The following ZNF727 variants were observed in gnomAD, a reference collection of about 807,000 sequenced individuals.
ZNF727 encodes the protein zinc finger protein 727.
In ZNF727, 11 loss-of-function variants were observed where a neutral mutation model predicts 11.5. The observed-to-expected ratio is 0.95, with a 90% CI of 0.60 to 1.58. The LOEUF (loss-of-function observed/expected upper bound fraction) is 1.58, where lower values mean the gene tolerates loss of function less well. Among genes scored for constraint, ZNF727 ranks in the 40% most tolerant of loss-of-function variants. The pLI is 0.00. For missense variants in ZNF727, 533 were observed against 581.7 expected (o/e 0.92, Z 0.86); for synonymous variants, 171 against 196.1 (o/e 0.87, Z 1.07).
intron 1 of ZNF727, among the ~76,000 whole-genome samples, chr7:64,057,729 TA>T (rs547619811): frequency 0.045 from 6,382 of 141,610 alleles, 168 homozygotes; most frequent in Non-Finnish European, 0.066. Flanking sequence ...TTTAAAAAAG[TA>T]AAAAAAAAAA....
At chr7:64,054,800 A>C (rs939645096) in intron 1 of ZNF727, among the ~76,000 whole-genome samples, 3 of 152,132 alleles carry the variant, frequency 2.0e-5, no homozygotes. Context: ...ATTATTTTCA[A>C]ATTTATGAGC....
rs916260326 is a variant in ZNF727 at position 64,077,861 on chromosome 7, T to G, written c.812T>G (p.Leu271Arg). The change falls in exon 4 of 4, where the codon CTT becomes CGT. Residue 271 changes from leucine to arginine, a missense_variant. By Grantham distance (102) the Leu-to-Arg change is moderately radical. Coordinates refer to ENST00000456806, the MANE Select transcript of ZNF727 (RefSeq NM_001159522.3). ...CHKAFRCCSD[L>R]TKHKRIHTGE... ...AAAGCCTTTAGGTGTTGCTCAGACC[T>G]TACTAAACATAAGAGAATTCATACT... 2.4e-5 allele frequency: 37 copies of G among 1,568,976 alleles called. No homozygotes were observed. The highest frequency in any genetic ancestry group is 3.0e-5 in the Non-Finnish European group (35 of 1,156,540).
intron 1 of ZNF727, among the ~76,000 whole-genome samples, chr7:64,048,435 AT>A (rs1225539173): frequency 2.0e-5 from 3 of 152,196 alleles, no homozygotes; most frequent in African/African-American, 7.2e-5. Flanking sequence ...AAATAAATAC[AT>A]TTTTACAAGA....
Position 64,080,023 on chromosome 7 carries a change from A to G in ZNF727, c.*1474A>G, listed in dbSNP as rs1785757750. Among the ~76,000 whole-genome samples the G allele has an allele frequency of 6.6e-6, 1 of 152,160 alleles. No homozygotes were observed. Among genetic ancestry groups the G allele is most frequent in the Admixed American group, 6.6e-5 (1 of 15,266 alleles). On this transcript the variant is annotated 3_prime_UTR_variant, in exon 4 of 4. Transcript: ENST00000456806. ...TTGAGGGATCTCAGCTGCAAGGTTC[A>G]TTGTTGTCTGAGCTTCTTTTTAGAG...
chr7:64,051,147 A>C (rs1789591692), intron 1 of ZNF727, among the ~76,000 whole-genome samples: 1 of 152,222 alleles, frequency 6.6e-6, no homozygotes, highest in Non-Finnish European at 1.5e-5. Context: ...TAAACAAACA[A>C]AGCAACAAAA....
At chr7:64,064,481 C>T (rs552337165) in intron 1 of ZNF727, among the ~76,000 whole-genome samples, 1 of 152,224 alleles carries the variant, frequency 6.6e-6, no homozygotes, top group Non-Finnish European at 1.5e-5. Flanking sequence ...GGGACAAAGT[C>T]TTCTTTACTC....
chr7:64,057,790 T>C (rs561216475), intron 1 of ZNF727, among the ~76,000 whole-genome samples: 1 of 152,034 alleles, frequency 6.6e-6, no homozygotes, highest in Non-Finnish European at 1.5e-5. Flanking sequence ...AGTAAACACA[T>C]ACCCACAAAC....
At chr7:64,058,229 C>T (rs1407466980) in intron 1 of ZNF727, among the ~76,000 whole-genome samples, 4 of 152,144 alleles carry the variant, frequency 2.6e-5, no homozygotes, top group African/African-American at 7.2e-5. Flanking sequence ...CAGACTGTCA[C>T]ACTGTAAATT....
At chr7:64,068,856 C>G (rs117560839) in intron 1 of ZNF727, 35 bp from the exon 2 acceptor site, 33 of 1,557,294 alleles carry the variant, frequency 2.1e-5, no homozygotes, top group Non-Finnish European at 2.8e-5. Flanking sequence ...AGAATTATTT[C>G]TTTGGTCACT....
At chr7:64,074,739 G>A (rs1790015055) in intron 3 of ZNF727, among the ~76,000 whole-genome samples, 2 of 152,112 alleles carry the variant, frequency 1.3e-5, no homozygotes, top group South Asian at 2.1e-4. Flanking sequence ...TAGGAACTAA[G>A]CTTAGAAATT....
At chr7:64,075,653 TCTTA>T (rs1420230076) in intron 3 of ZNF727, among the ~76,000 whole-genome samples, 1 of 152,170 alleles carries the variant, frequency 6.6e-6, no homozygotes, top group Non-Finnish European at 1.5e-5. Flanking sequence ...TACTACATGT[TCTTA>T]CTTACAAGTG....
chr7:64,074,556 G>T (rs1272974368), intron 3 of ZNF727, among the ~76,000 whole-genome samples: 1 of 152,104 alleles, frequency 6.6e-6, no homozygotes, highest in Non-Finnish European at 1.5e-5. Context: ...TTGAGATTTG[G>T]TCGAGATTTG....
chr7:64,059,230 G>A (rs112239590), intron 1 of ZNF727, among the ~76,000 whole-genome samples: 13,995 of 151,980 alleles, frequency 0.092, 820 homozygotes, highest in African/African-American at 0.16. Context: ...GGCATGAGCC[G>A]CCGCACCTGG....
intron 1 of ZNF727, among the ~76,000 whole-genome samples, chr7:64,050,610 G>A (rs1789578439): frequency 6.6e-6 from 1 of 152,150 alleles, no homozygotes; most frequent in African/African-American, 2.4e-5. Flanking sequence ...AGCCAGTAAA[G>A]TTTTACATTA....
intron 1 of ZNF727, among the ~76,000 whole-genome samples, chr7:64,046,618 C>A (rs991463508): frequency 1.3e-5 from 2 of 152,214 alleles, no homozygotes; most frequent in African/African-American, 4.8e-5. Context: ...GGGGCCCCCC[C>A]AGAAGCAGAT....
intron 1 of ZNF727, among the ~76,000 whole-genome samples, chr7:64,064,580 C>T (rs1789833917): frequency 6.6e-6 from 1 of 152,166 alleles, no homozygotes; most frequent in African/African-American, 2.4e-5. Context: ...ATGATGCAGG[C>T]ACTTTCTTGG....
chr7:64,049,310 T>C (rs1279776461), intron 1 of ZNF727, among the ~76,000 whole-genome samples: 2 of 152,064 alleles, frequency 1.3e-5, no homozygotes, highest in Non-Finnish European at 2.9e-5. Context: ...ATTTTCTTTA[T>C]CTTTTATTCT....
At chr7:64,057,965 A>C (rs371805130) in intron 1 of ZNF727, among the ~76,000 whole-genome samples, 18 of 152,132 alleles carry the variant, frequency 1.2e-4, no homozygotes, top group African/African-American at 3.4e-4. Context: ...TTGATTTGTT[A>C]ATTTTCCAAC....
At chr7:64,052,535 A>G (rs1789619011) in intron 1 of ZNF727, among the ~76,000 whole-genome samples, 1 of 152,156 alleles carries the variant, frequency 6.6e-6, no homozygotes, top group Non-Finnish European at 1.5e-5. Flanking sequence ...CATCTGCTAG[A>G]GCAGTCCAGG....
Sources: allele counts gnomAD v4.1 joint callset (sites outside exome capture counted in the v4.1 genomes callset), GRCh38; gene constraint gnomAD v4.1.1; transcripts MANE v1.5; gene names NCBI Gene and HGNC (gene_info 2026-07-23, HGNC 2026-07-21).